Variants in ADAM10 observed in about 807,000 individuals in gnomAD.
ADAM10 encodes the protein disintegrin and metalloproteinase domain-containing protein 10.
A neutral mutation model predicts 90.1 loss-of-function variants in ADAM10; 17 were observed. That is an observed-to-expected ratio of 0.19 (90% CI 0.13 to 0.28). The LOEUF is 0.28. Ranked by LOEUF, ADAM10 falls within the 10% of genes least tolerant of loss-of-function variation. The pLI is 1.00. For missense variants in ADAM10, 610 were observed against 914.3 expected, an observed-to-expected ratio of 0.67 and a Z score of 4.29; for synonymous variants, 310 against 298.6, an observed-to-expected ratio of 1.04 and a Z score of -0.40.
chr15:58,599,350 G>A (rs1895049647), intron 15 of ADAM10, among the ~76,000 whole-genome samples: 3 of 149,658 alleles, frequency 2.0e-5, no homozygotes, highest in Admixed American at 6.6e-5. Flanking sequence ...CAAATACCAA[G>A]CAAAATTTAA....
chr15:58,646,513 T>A (rs1455621764), intron 5 of ADAM10, among the ~76,000 whole-genome samples: 1 of 152,174 alleles, frequency 6.6e-6, no homozygotes, highest in Non-Finnish European at 1.5e-5. Flanking sequence ...CTACCTCACA[T>A]CTAATACCCA....
chr15:58,737,142 G>A (rs188714330), intron 1 of ADAM10, among the ~76,000 whole-genome samples: 35 of 152,046 alleles, frequency 2.3e-4, no homozygotes, highest in African/African-American at 6.5e-4. Context: ...TCTCAAAGTC[G>A]CCAGGATACT....
intron 14 of ADAM10, 73 bp downstream of exon 14, chr15:58,610,224 T>G: frequency 1.6e-6 from 2 of 1,268,206 alleles, no homozygotes; most frequent in Non-Finnish European, 2.3e-6. Flanking sequence ...CTCGTAACTT[T>G]GATGACTTCT....
At chr15:58,645,906 T>A (rs1055358613) in intron 6 of ADAM10, 149 bp downstream of exon 6, 2 of 779,478 alleles carry the variant, frequency 2.6e-6, no homozygotes, top group Admixed American at 4.9e-5. Flanking sequence ...CAGTTATCCA[T>A]GTACTTATCT....
intron 11 of ADAM10, among the ~76,000 whole-genome samples, chr15:58,612,469 C>G (rs1416709375): frequency 6.6e-6 from 1 of 152,176 alleles, no homozygotes; most frequent in African/African-American, 2.4e-5. Flanking sequence ...GCTGCTGAGA[C>G]ACCCTTCTCC....
At chr15:58,607,314 T>C (rs1595985816) in intron 14 of ADAM10, among the ~76,000 whole-genome samples, 1 of 152,382 alleles carries the variant, frequency 6.6e-6, no homozygotes, top group South Asian at 2.1e-4. Context: ...TGAGAACTAC[T>C]GCTATTAATC....
intron 9 of ADAM10, among the ~76,000 whole-genome samples, 157 bp from the exon 10 acceptor site, chr15:58,628,040 G>T (rs1184254333): frequency 1.3e-5 from 2 of 152,178 alleles, no homozygotes; most frequent in East Asian, 1.9e-4. Context: ...AGTAGGAAAA[G>T]AATTTGCTCT....
At chr15:58,726,567 C>CAAAAA (rs71116593) in intron 1 of ADAM10, among the ~76,000 whole-genome samples, 459 of 20,782 alleles carry the variant, frequency 0.022, 72 homozygotes, top group African/African-American at 0.032. Context: ...CTCAGTCTCC[C>CAAAAA]AAAAAAAAAA....
At chr15:58,605,360 A>G (rs1218251446) in intron 14 of ADAM10, among the ~76,000 whole-genome samples, 1 of 152,236 alleles carries the variant, frequency 6.6e-6, no homozygotes, top group Non-Finnish European at 1.5e-5. Flanking sequence ...GAAATGGAAC[A>G]TGGCAATAGA....
intron 5 of ADAM10, among the ~76,000 whole-genome samples, chr15:58,663,690 A>G (rs2140726763): frequency 6.6e-6 from 1 of 152,216 alleles, no homozygotes; most frequent in African/African-American, 2.4e-5. Context: ...TTAATATGGT[A>G]TATCTCTCCA....
At chr15:58,719,043 G>A (rs563187101) in intron 1 of ADAM10, among the ~76,000 whole-genome samples, 56 of 152,276 alleles carry the variant, frequency 3.7e-4, no homozygotes, top group East Asian at 1.9e-3. Context: ...CCATTGTTTC[G>A]CTGGGCGTGG....
At chr15:58,624,040 C>G (rs1895866407) in intron 10 of ADAM10, among the ~76,000 whole-genome samples, 1 of 150,758 alleles carries the variant, frequency 6.6e-6, no homozygotes, top group Non-Finnish European at 1.5e-5. Context: ...AATGCCAGCA[C>G]TTTGGGAGGC....
intron 2 of ADAM10, among the ~76,000 whole-genome samples, chr15:58,687,347 A>G (rs1454789761): frequency 6.6e-6 from 1 of 152,236 alleles, no homozygotes; most frequent in Non-Finnish European, 1.5e-5. Flanking sequence ...TACTTAAAGA[A>G]ATACAGAATT....
chr15:58,603,261 C>T (rs370264489), intron 14 of ADAM10, among the ~76,000 whole-genome samples: 5 of 152,234 alleles, frequency 3.3e-5, no homozygotes, highest in South Asian at 4.2e-4. Flanking sequence ...TGCTACTTAT[C>T]GCAAGACAGG....
chr15:58,650,062 C>G (rs1896648278), intron 5 of ADAM10, among the ~76,000 whole-genome samples: 1 of 152,100 alleles, frequency 6.6e-6, no homozygotes, highest in Non-Finnish European at 1.5e-5. Flanking sequence ...TTTGTCAATT[C>G]TAAATTTCCC....
chr15:58,642,608 G>T (rs1027868578), intron 7 of ADAM10, among the ~76,000 whole-genome samples: 5 of 152,052 alleles, frequency 3.3e-5, no homozygotes, highest in Non-Finnish European at 7.4e-5. Flanking sequence ...AAGAGGTAAG[G>T]TCTAAAAACA....
rs1030106155 is a variant in ADAM10, at chr15:58,712,004, C to A, written c.206+5573G>T. ...AGGCATAAGTTAAAATATATATATACATACAACGTAAGAATCATACTAAAA... is the reference window on the plus strand; with the variant it reads ...AGGCATAAGTTAAAATATATATATAAATACAACGTAAGAATCATACTAAAA... On this transcript the variant is annotated intron_variant, in intron 2 of 15. Coordinates refer to ENST00000260408, the MANE Select transcript of ADAM10 (RefSeq NM_001110.4). 4.5e-4 allele frequency among the ~76,000 whole-genome samples: 68 copies of A among 152,024 alleles called. 1 individual carries two copies. Among genetic ancestry groups the A allele is most frequent in the Non-Finnish European group, 1.8e-4 (12 of 68,004 alleles).
At chr15:58,745,002 G>C (rs1181539704) in intron 1 of ADAM10, among the ~76,000 whole-genome samples, 1 of 152,228 alleles carries the variant, frequency 6.6e-6, no homozygotes, top group African/African-American at 2.4e-5. Context: ...GGCCAATATG[G>C]TGAAACCCCG....
chr15:58,670,493 A>G (rs1596050412), intron 4 of ADAM10, among the ~76,000 whole-genome samples: 1 of 152,170 alleles, frequency 6.6e-6, no homozygotes, highest in South Asian at 2.1e-4. Flanking sequence ...CAATCTATAC[A>G]TCCATTAGTT....
Sources: gnomAD v4.1 joint callset for allele counts (sites outside exome capture counted in the v4.1 genomes callset) on GRCh38, gnomAD v4.1.1 for gene constraint, MANE v1.5 for transcripts, NCBI Gene and HGNC (gene_info 2026-07-23, HGNC 2026-07-21) for gene names.